FAF1: variants seen among roughly 807,000 people sequenced by gnomAD.
FAF1 encodes Fas associated factor 1.
A neutral mutation model predicts 92.5 loss-of-function variants in FAF1; 25 were observed. The ratio of observed to expected loss-of-function variants is 0.27; its 90% CI spans 0.20 to 0.38. FAF1 has a LOEUF of 0.38. Among genes scored for constraint, FAF1 ranks in the 10% least tolerant of loss-of-function variants. FAF1 has a pLI of 1.00. For synonymous variants in FAF1, 234 were observed against 273.2 expected, an observed-to-expected ratio of 0.86 and a Z score of 1.42; for missense variants, 636 against 793.3, an observed-to-expected ratio of 0.80 and a Z score of 2.38.
At chr1:50,749,791 A>AG (rs986362964) in intron 4 of FAF1, among the ~76,000 whole-genome samples, 2 of 150,870 alleles carry the variant, frequency 1.3e-5, no homozygotes, top group Non-Finnish European at 2.9e-5. Flanking sequence ...CCTGTCTCAG[A>AG]GAAAAAAAAA....
intron 4 of FAF1, among the ~76,000 whole-genome samples, chr1:50,752,342 T>C (rs1285200095): frequency 6.6e-6 from 1 of 152,210 alleles, no homozygotes; most frequent in East Asian, 1.9e-4. Context: ...AATTTTTTAC[T>C]TCTGTGAATG....
At chr1:50,722,510 G>A (rs1160369910) in intron 6 of FAF1, among the ~76,000 whole-genome samples, 1 of 152,118 alleles carries the variant, frequency 6.6e-6, no homozygotes, top group Non-Finnish European at 1.5e-5. Context: ...TTAGCCAGGC[G>A]TGGCGGCGGG....
chr1:50,840,922 A>G (rs1644250518), intron 2 of FAF1, among the ~76,000 whole-genome samples: 1 of 152,048 alleles, frequency 6.6e-6, no homozygotes, highest in South Asian at 2.1e-4. Context: ...TCAAGAAAAA[A>G]ATGATCATAT....
chr1:50,690,281 C>T (rs539357805), intron 7 of FAF1, among the ~76,000 whole-genome samples: 469 of 152,076 alleles, frequency 3.1e-3, no homozygotes, highest in Non-Finnish European at 5.5e-3. Flanking sequence ...CCACCGCACC[C>T]GGCAAATTAC....
intron 15 of FAF1, among the ~76,000 whole-genome samples, chr1:50,497,710 G>C (rs553319574): frequency 6.6e-6 from 1 of 151,730 alleles, no homozygotes; most frequent in African/African-American, 2.4e-5. Flanking sequence ...CACCATGCCC[G>C]GCTAATATTT....
chr1:50,567,340 A>G, intron 12 of FAF1, 109 bp from the exon 13 acceptor site: 2 of 699,026 alleles, frequency 2.9e-6, no homozygotes, highest in Admixed American at 3.1e-5. Context: ...CAAAAATTAA[A>G]TGCTATTCCC....
intron 4 of FAF1, among the ~76,000 whole-genome samples, chr1:50,771,704 C>A (rs1295105599): frequency 6.6e-6 from 1 of 152,124 alleles, no homozygotes; most frequent in Non-Finnish European, 1.5e-5. Context: ...AGTTCAAGAC[C>A]AGCCTGGCCA....
At position 50,472,968 on chromosome 1, in the gene FAF1, T is replaced by C. The variant is rs1329609406; in HGVS notation, c.1869+2496A>G. Among the ~76,000 whole-genome samples, 4 of 152,138 alleles carry C rather than the reference T, an allele frequency of 2.6e-5. No homozygotes were observed. In the East Asian group the frequency reaches 7.7e-4, roughly 29 times the overall value. On this transcript the variant is annotated intron_variant, in intron 18 of 18. Coordinates refer to ENST00000396153, the MANE Select transcript of FAF1 (RefSeq NM_007051.3). ...GAGGCCTAAAGAGTCCTGGGTGGGC[T>C]TTCTTAGTTTAGGTCTGGAATCTGG...
At chr1:50,890,817 G>A (rs1196652498) in intron 1 of FAF1, among the ~76,000 whole-genome samples, 1 of 152,040 alleles carries the variant, frequency 6.6e-6, no homozygotes, top group Non-Finnish European at 1.5e-5. Flanking sequence ...TTTCAACTTT[G>A]GTGAATCTGA....
chr1:50,729,055 T>TAG (rs1557497239), intron 6 of FAF1, among the ~76,000 whole-genome samples: 17 of 93,478 alleles, frequency 1.8e-4, no homozygotes, highest in Non-Finnish European at 4.6e-5. Flanking sequence ...TATATATATA[T>TAG]ATATTTTTTT....
intron 5 of FAF1, among the ~76,000 whole-genome samples, chr1:50,740,436 G>A (rs1016879969): frequency 1.3e-5 from 2 of 152,132 alleles, no homozygotes; most frequent in Admixed American, 1.3e-4. Context: ...CTCCATGAGA[G>A]GACCCAGCTT....
At chr1:50,513,194 C>CA (rs1647159552) in intron 15 of FAF1, among the ~76,000 whole-genome samples, 1 of 152,094 alleles carries the variant, frequency 6.6e-6, no homozygotes. Context: ...AACGAATTCT[C>CA]ACTGGCTAGG....
chr1:50,614,865 C>T (rs1388922987), intron 8 of FAF1, among the ~76,000 whole-genome samples: 2 of 151,264 alleles, frequency 1.3e-5, no homozygotes, highest in Non-Finnish European at 2.9e-5. Flanking sequence ...AAAAAGTTTC[C>T]CAGCAAAATG....
At chr1:50,563,958 GTTTCT>G (rs1265631503) in intron 13 of FAF1, among the ~76,000 whole-genome samples, 1 of 152,114 alleles carries the variant, frequency 6.6e-6, no homozygotes, top group South Asian at 2.1e-4. Context: ...CTATAGAAAT[GTTTCT>G]TTTCTTATTC....
intron 2 of FAF1, among the ~76,000 whole-genome samples, chr1:50,802,915 G>C (rs1042918280): frequency 1.3e-5 from 2 of 152,190 alleles, no homozygotes; most frequent in Non-Finnish European, 2.9e-5. Context: ...CCACAGTTTT[G>C]TCAAATTCAC....
chr1:50,724,273 A>G (rs1015601884), intron 6 of FAF1, among the ~76,000 whole-genome samples: 2 of 126,306 alleles, frequency 1.6e-5, no homozygotes, highest in Non-Finnish European at 3.2e-5. Context: ...ATATATATAC[A>G]TATACACACA....
chr1:50,498,186 T>C (rs72898953), intron 15 of FAF1, among the ~76,000 whole-genome samples: 19,033 of 152,052 alleles, frequency 0.13, 1,520 homozygotes, highest in African/African-American at 0.22. Context: ...ACAAATGATG[T>C]TAGGAAAGCT....
At chr1:50,706,932 G>A (rs1042726797) in intron 6 of FAF1, among the ~76,000 whole-genome samples, 5 of 152,166 alleles carry the variant, frequency 3.3e-5, no homozygotes, top group Admixed American at 6.5e-5. Context: ...GGACGGGCAC[G>A]GTGGCTCACG....
chr1:50,448,740 G>C (rs1285647226), intron 18 of FAF1, among the ~76,000 whole-genome samples: 5 of 152,148 alleles, frequency 3.3e-5, no homozygotes, highest in Admixed American at 2.6e-4. Context: ...AACTTTTCCG[G>C]TAACAAAGGA....
Sources: gnomAD v4.1 joint callset for allele counts (sites outside exome capture counted in the v4.1 genomes callset) on GRCh38, gnomAD v4.1.1 for gene constraint, MANE v1.5 for transcripts, NCBI Gene and HGNC (gene_info 2026-07-23, HGNC 2026-07-21) for gene names.